Variants in STK32B observed in about 807,000 individuals in gnomAD.
STK32B encodes serine/threonine kinase 32B, also known as serine/threonine-protein kinase 32B.
A neutral mutation model predicts 52.6 loss-of-function variants in STK32B; 43 were observed. That is an observed-to-expected ratio of 0.82 (90% confidence interval 0.64 to 1.05). STK32B has a LOEUF of 1.05. Among genes scored for constraint, STK32B ranks in the 50% least tolerant of loss-of-function variants. The probability of loss-of-function intolerance (pLI) is 0.00; values close to 1 mark genes in which losing one functional copy is unlikely to be tolerated. For missense variants in STK32B, 621 were observed against 534.6 expected, an observed-to-expected ratio of 1.16 and a Z score of -1.59; for synonymous variants, 238 against 204.3, an observed-to-expected ratio of 1.17 and a Z score of -1.41.
At chr4:5,325,897 A>G (rs1304434705) in intron 3 of STK32B, among the ~76,000 whole-genome samples, 1 of 152,234 alleles carries the variant, frequency 6.6e-6, no homozygotes, top group African/African-American at 2.4e-5. Context: ...GTGCAAAACT[A>G]CAGAGAGATA....
chr4:5,123,801 C>T (rs1379230452), intron 1 of STK32B, among the ~76,000 whole-genome samples: 1 of 151,828 alleles, frequency 6.6e-6, no homozygotes, highest in Non-Finnish European at 1.5e-5. Flanking sequence ...GGATTCAGCA[C>T]ATGAGTTTTG....
At chr4:5,379,238 C>A (rs1414246846) in intron 4 of STK32B, among the ~76,000 whole-genome samples, 1 of 152,134 alleles carries the variant, frequency 6.6e-6, no homozygotes, top group Non-Finnish European at 1.5e-5. Flanking sequence ...TTTGTGCTAC[C>A]CCTGGCTGCC....
intron 3 of STK32B, among the ~76,000 whole-genome samples, chr4:5,175,289 T>G (rs1719761650): frequency 1.3e-5 from 2 of 152,324 alleles, no homozygotes; most frequent in South Asian, 4.1e-4. Context: ...TTCTGAAGCC[T>G]TCTTCTCTCA....
rs762789063 is a variant in STK32B at position 5,460,092 on chromosome 4, T to C, written c.784-11T>C. The stretch of plus-strand genomic sequence containing the variant: ...CCAATTCATGGAAACTCATTTGCCC[T>C]CTAACTGCAGCTCCTGACCAAGGAT... On this transcript the variant is annotated splice_polypyrimidine_tract_variant and intron_variant, in intron 8 of 11. Coordinates refer to ENST00000282908, the MANE Select transcript of STK32B (RefSeq NM_018401.3). The surrounding 1 kb of genome is among the most constrained non-coding windows in gnomAD (Gnocchi z 4.8). 1 of 1,614,072 alleles carries C rather than the reference T, an allele frequency of 6.2e-7. No individual in the cohort carries two copies. Among genetic ancestry groups the C allele is most frequent in the Non-Finnish European group, 8.5e-7 (1 of 1,180,034 alleles).
rs371900164 is a variant in STK32B, at chr4:5,242,605, G to C, written c.260+74155G>C. On this transcript the variant is annotated intron_variant, in intron 3 of 11. Transcript: ENST00000282908. ...AATTAGATCCCATTTGTCAATTTTG[G>C]CTTTTGTTGCCATTGCTTTTGGTGT... Among the ~76,000 whole-genome samples the C allele has an allele frequency of 1.9e-3, 292 of 152,182 alleles. 1 individual carries two copies. Among genetic ancestry groups the C allele is most frequent in the African/African-American group, 6.8e-3 (282 of 41,508 alleles).
intron 3 of STK32B, among the ~76,000 whole-genome samples, chr4:5,305,771 C>T (rs993814381): frequency 2.6e-5 from 4 of 152,140 alleles, no homozygotes; most frequent in Non-Finnish European, 4.4e-5. Flanking sequence ...TCTTGTTTCT[C>T]TAGCTCCTTG....
At chr4:5,355,811 T>C (rs1384519872) in intron 4 of STK32B, among the ~76,000 whole-genome samples, 1 of 152,216 alleles carries the variant, frequency 6.6e-6, no homozygotes, top group African/African-American at 2.4e-5. Context: ...ACCACAGCTA[T>C]GCAACCTCTC....
intron 2 of STK32B, among the ~76,000 whole-genome samples, chr4:5,160,845 G>A (rs1008973543): frequency 2.0e-5 from 3 of 152,172 alleles, no homozygotes; most frequent in African/African-American, 2.4e-5. Flanking sequence ...TGCTGGGGAC[G>A]GCTTTGCCCC....
intron 3 of STK32B, among the ~76,000 whole-genome samples, chr4:5,301,561 A>G (rs1729555192): frequency 1.3e-5 from 2 of 151,756 alleles, no homozygotes; most frequent in African/African-American, 4.8e-5. Flanking sequence ...TTGTTGGCAT[A>G]AAATTTCTTA....
intron 5 of STK32B, among the ~76,000 whole-genome samples, chr4:5,403,214 C>T (rs1298583913): frequency 6.6e-6 from 1 of 152,098 alleles, no homozygotes; most frequent in Non-Finnish European, 1.5e-5. Context: ...AGAGCCATAC[C>T]CCCAACACCT....
intron 1 of STK32B, among the ~76,000 whole-genome samples, chr4:5,137,126 T>C (rs1330567354): frequency 6.6e-6 from 1 of 152,164 alleles, no homozygotes; most frequent in East Asian, 1.9e-4. Context: ...GAGGAGGAGG[T>C]TGATAGAGAA....
chr4:5,055,261 TA>T (rs1357954823), intron 1 of STK32B, among the ~76,000 whole-genome samples: 49 of 113,802 alleles, frequency 4.3e-4, no homozygotes, highest in South Asian at 3.2e-4. Flanking sequence ...GGCTAATTTT[TA>T]ATTTTTTTTT....
chr4:5,174,770 A>G (rs899809655), intron 3 of STK32B, among the ~76,000 whole-genome samples: 1 of 101,628 alleles, frequency 9.8e-6, no homozygotes, highest in Non-Finnish European at 2.6e-5. Context: ...GAATCTGACA[A>G]TTATGTATCT....
At chr4:5,156,787 A>T (rs2108715152) in intron 2 of STK32B, among the ~76,000 whole-genome samples, 1 of 152,318 alleles carries the variant, frequency 6.6e-6, no homozygotes, top group South Asian at 2.1e-4. Context: ...GTGTTATATG[A>T]TAATAGCTCT....
intron 3 of STK32B, among the ~76,000 whole-genome samples, chr4:5,254,660 T>C (rs570641117): frequency 6.6e-6 from 1 of 152,282 alleles, no homozygotes; most frequent in South Asian, 2.1e-4. Flanking sequence ...TTTCCAAACA[T>C]TTGGAGATTG....
intron 11 of STK32B, among the ~76,000 whole-genome samples, chr4:5,490,458 G>C (rs1490180313): frequency 1.3e-5 from 2 of 152,078 alleles, no homozygotes; most frequent in Admixed American, 6.6e-5. Context: ...AAGGCAGTTT[G>C]ACTAGGTTGC....
At chr4:5,238,870 G>C (rs1196442079) in intron 3 of STK32B, among the ~76,000 whole-genome samples, 1 of 152,106 alleles carries the variant, frequency 6.6e-6, no homozygotes, top group Non-Finnish European at 1.5e-5. Flanking sequence ...AAGCCCAGTG[G>C]GACTATGGAT....
intron 3 of STK32B, among the ~76,000 whole-genome samples, chr4:5,278,689 C>G (rs1366839497): frequency 1.3e-5 from 2 of 152,084 alleles, no homozygotes; most frequent in Admixed American, 1.3e-4. Flanking sequence ...CCTTCTAACA[C>G]TACTATAAAG....
At chr4:5,213,830 A>G (rs1263971588) in intron 3 of STK32B, among the ~76,000 whole-genome samples, 1 of 152,128 alleles carries the variant, frequency 6.6e-6, no homozygotes, top group Non-Finnish European at 1.5e-5. Context: ...TTGTATTTAT[A>G]CTTTATGGTG....
Sources: allele counts gnomAD v4.1 joint callset (sites outside exome capture counted in the v4.1 genomes callset), GRCh38; gene constraint gnomAD v4.1.1; non-coding constraint Gnocchi (gnomAD v3.1); transcripts MANE v1.5; gene names NCBI Gene and HGNC (gene_info 2026-07-23, HGNC 2026-07-21).